Variants in EXOC6 observed in about 807,000 individuals in gnomAD.
EXOC6 encodes the protein exocyst complex component 6.
A neutral mutation model predicts 112.5 loss-of-function variants in EXOC6; 60 were observed. That is an observed-to-expected ratio of 0.53 (90% CI 0.43 to 0.66). The LOEUF is 0.66. Ranked by LOEUF, EXOC6 falls within the 30% of genes least tolerant of loss-of-function variation. EXOC6 has a pLI of 0.00. For missense variants in EXOC6, 855 were observed against 957.1 expected (o/e 0.89, Z 1.41); for synonymous variants, 295 against 308.0 (o/e 0.96, Z 0.44).
At chr10:92,996,554 T>C (rs944363933) in intron 18 of EXOC6, among the ~76,000 whole-genome samples, 7 of 151,596 alleles carry the variant, frequency 4.6e-5, no homozygotes, top group African/African-American at 1.7e-4. Context: ...GAGGCAGAGC[T>C]TGCAGTGAGC....
chr10:92,976,066 C>A (rs1337237794), intron 18 of EXOC6, among the ~76,000 whole-genome samples: 1 of 143,032 alleles, frequency 7.0e-6, no homozygotes, highest in Admixed American at 6.9e-5. Context: ...GTCAGCCCCC[C>A]GCCCGGCCAG....
intron 18 of EXOC6, among the ~76,000 whole-genome samples, chr10:92,979,263 G>A (rs1473052795): frequency 2.0e-5 from 3 of 152,118 alleles, no homozygotes; most frequent in Admixed American, 1.3e-4. Flanking sequence ...AGGTTCAAGC[G>A]ATTCTCCTCC....
At chr10:93,013,093 TATCAG>T (rs1000304444) in intron 19 of EXOC6, among the ~76,000 whole-genome samples, 4 of 152,082 alleles carry the variant, frequency 2.6e-5, no homozygotes, top group African/African-American at 9.7e-5. Flanking sequence ...CAGGCATTCT[TATCAG>T]AGAAGCTTGC....
intron 1 of EXOC6, among the ~76,000 whole-genome samples, chr10:92,863,002 A>G (rs1005454741): frequency 6.6e-6 from 1 of 152,238 alleles, no homozygotes; most frequent in Non-Finnish European, 1.5e-5. Flanking sequence ...ATTGTTGAAG[A>G]TACAAGCTCG....
intron 19 of EXOC6, chr10:92,999,466 C>G (rs909568419): frequency 7.0e-6 from 2 of 286,130 alleles, no homozygotes; most frequent in Non-Finnish European, 1.4e-5. Context: ...TGAGATCATT[C>G]CAGTATGACA....
intron 6 of EXOC6, among the ~76,000 whole-genome samples, chr10:92,913,270 A>G (rs559310237): frequency 4.6e-5 from 7 of 152,326 alleles, no homozygotes; most frequent in South Asian, 2.1e-4. Context: ...CTTAGTTACT[A>G]TCAATTCTGC....
chr10:92,896,182 T>TATATATA (rs1432590399), intron 4 of EXOC6, among the ~76,000 whole-genome samples: 1 of 1,396 alleles, frequency 7.2e-4, no homozygotes, highest in Non-Finnish European at 1.1e-3. Flanking sequence ...TATATATATA[T>TATATATA]TTTTTTTTTT....
rs1446593330 is a variant in EXOC6 at position 93,058,578 on chromosome 10, T to C, written c.*223T>C. 2 of 351,930 alleles carry C rather than the reference T, an allele frequency of 5.7e-6. No homozygotes were observed. Among genetic ancestry groups the C allele is most frequent in the East Asian group, 9.5e-5 (2 of 20,978 alleles). The allele number at this position is 351,930 out of a possible 1,614,324, so 21.8% of individuals were successfully genotyped here. On this transcript the variant is annotated 3_prime_UTR_variant, in exon 22 of 22. Transcript: ENST00000260762. ...AAAAAAATGACCATTTTTTCACTTT[T>C]AGGGGAAAATGCAAAAGTGTAATAC...
At chr10:92,869,071 A>G (rs758416522) in intron 1 of EXOC6, among the ~76,000 whole-genome samples, 54 of 152,240 alleles carry the variant, frequency 3.5e-4, no homozygotes, top group Non-Finnish European at 7.4e-4. Flanking sequence ...TTTAACAAGA[A>G]AGTTTGTTGA....
At chr10:92,848,448 C>CCCCCCCAG, upstream of EXOC6, 3 of 1,033,836 alleles carry the variant, frequency 2.9e-6, no homozygotes, top group Non-Finnish European at 3.6e-6. Flanking sequence ...GCCCCCGCCC[C>CCCCCCCAG]GCCCCTTCGC....
chr10:92,963,925 G>T (rs1278571107), intron 17 of EXOC6, among the ~76,000 whole-genome samples: 1 of 151,636 alleles, frequency 6.6e-6, no homozygotes, highest in East Asian at 1.9e-4. Context: ...GTTTTACCCA[G>T]AGTATTGATC....
intron 1 of EXOC6, among the ~76,000 whole-genome samples, chr10:92,852,866 C>A (rs1049768585): frequency 6.6e-6 from 1 of 152,046 alleles, no homozygotes; most frequent in African/African-American, 2.4e-5. Flanking sequence ...TAAGGATATT[C>A]ATTCTCACCA....
rs375686270 is a variant in EXOC6, at chr10:93,058,265, C to G, written c.2325C>G (p.Phe775Leu). Residue 775 changes from phenylalanine to leucine, a missense_variant, in exon 22 of 22, where the codon TTC becomes TTG. By Grantham distance (22) the Phe-to-Leu change is conservative. This residue lies in a region of EXOC6 where 450 missense variants were observed against 563.5 expected (regional missense o/e 0.80). Coordinates refer to ENST00000260762, the MANE Select transcript of EXOC6 (RefSeq NM_019053.6). Reference protein sequence around the residue: ...TSKKNNIFAQFRKNDRDKQKL... With the variant: ...TSKKNNIFAQLRKNDRDKQKL... Reference sequence around the variant, plus strand: ...AAAAGAACAATATATTTGCTCAGTTCAGGAAGAATGATCGAGACAAACAGA... The same window carrying G: ...AAAAGAACAATATATTTGCTCAGTTGAGGAAGAATGATCGAGACAAACAGA... 1.2e-6 allele frequency: 2 copies of G among 1,610,918 alleles called. No individual in the cohort carries two copies. The highest frequency in any genetic ancestry group is 1.7e-6 in the Non-Finnish European group (2 of 1,179,312).
intron 18 of EXOC6, among the ~76,000 whole-genome samples, chr10:92,978,262 T>C (rs1842706580): frequency 6.6e-6 from 1 of 151,844 alleles, no homozygotes; most frequent in South Asian, 2.1e-4. Flanking sequence ...ATACAAAAAT[T>C]AACTGGGCAT....
intron 1 of EXOC6, among the ~76,000 whole-genome samples, chr10:92,873,988 G>A (rs895487766): frequency 1.5e-4 from 23 of 151,918 alleles, no homozygotes; most frequent in Admixed American, 1.5e-3. Context: ...GGGAGGCAGA[G>A]GTTGCAGTGA....
chr10:92,934,453 C>G, intron 11 of EXOC6, 23 bp downstream of exon 11: 1 of 1,527,048 alleles, frequency 6.5e-7, no homozygotes. Flanking sequence ...ATTTACATTA[C>G]TAAAATTTTA....
At chr10:92,909,384 G>T (rs377715978) in intron 5 of EXOC6, 43 bp from the exon 6 acceptor site, 113 of 1,376,512 alleles carry the variant, frequency 8.2e-5, no homozygotes, top group Non-Finnish European at 1.1e-4. Context: ...AAAATATTGT[G>T]ATAAGAACTT....
At chr10:93,028,931 T>C (rs931495092) in intron 20 of EXOC6, among the ~76,000 whole-genome samples, 3 of 152,032 alleles carry the variant, frequency 2.0e-5, no homozygotes, top group African/African-American at 7.3e-5. Flanking sequence ...TTTTGAAAGA[T>C]GTTCTACTCT....
chr10:92,851,806 C>A (rs925600006), intron 1 of EXOC6, among the ~76,000 whole-genome samples: 5 of 152,038 alleles, frequency 3.3e-5, no homozygotes, highest in African/African-American at 1.2e-4. Flanking sequence ...TGCAGTGGCT[C>A]ATGCCTGTAA....
Sources: gnomAD v4.1 joint callset for allele counts (sites outside exome capture counted in the v4.1 genomes callset) on GRCh38, gnomAD v4.1.1 for gene constraint, gnomAD v4.1.1 regional missense constraint, MANE v1.5 for transcripts, NCBI Gene and HGNC (gene_info 2026-07-23, HGNC 2026-07-21) for gene names.